The following PTPRB variants were observed in gnomAD, a reference collection of about 807,000 sequenced individuals.
PTPRB encodes receptor-type tyrosine-protein phosphatase beta.
In PTPRB, 97 loss-of-function variants were observed where a neutral mutation model predicts 238.1. The ratio of observed to expected loss-of-function variants is 0.41; its 90% CI spans 0.35 to 0.48. PTPRB has a LOEUF of 0.48. Ranked by LOEUF, PTPRB falls within the 20% of genes least tolerant of loss-of-function variation. PTPRB has a pLI of 0.30. For missense variants in PTPRB, 2,292 were observed against 2,681.9 expected (o/e 0.85, Z 3.21); for synonymous variants, 970 against 995.4 (o/e 0.97, Z 0.48).
intron 4 of PTPRB, among the ~76,000 whole-genome samples, chr12:70,603,458 C>G (rs1039077580): frequency 3.3e-5 from 5 of 152,060 alleles, no homozygotes; most frequent in Admixed American, 6.6e-5. Flanking sequence ...TAAAATAACA[C>G]GTGGTAATTT....
At chr12:70,538,374 A>G (rs930362867) in intron 27 of PTPRB, 143 bp from the exon 28 acceptor site, 1 of 645,066 alleles carries the variant, frequency 1.6e-6, no homozygotes, top group Admixed American at 3.2e-5. Flanking sequence ...AGGCTCAGGC[A>G]GGATAACTAA....
rs188692985 is a variant in PTPRB, at chr12:70,598,596, T to A, written c.980-2269A>T. ...TGAAAAGTAACAAGATATAGAGGAG[T>A]CTATGAGATTCTAATAGCCAGTGAA... is the stretch of plus-strand genomic sequence containing the variant. On this transcript the variant is annotated intron_variant, in intron 4 of 33. Transcript: ENST00000334414. 5.2e-3 allele frequency among the ~76,000 whole-genome samples: 789 copies of A among 151,976 alleles called. 10 individuals carry two copies. The highest frequency in any genetic ancestry group is 0.018 in the African/African-American group (753 of 41,462).
chr12:70,619,340 G>T (rs1437597212), intron 3 of PTPRB, among the ~76,000 whole-genome samples: 1 of 115,962 alleles, frequency 8.6e-6, no homozygotes, highest in Non-Finnish European at 1.8e-5. Flanking sequence ...TGATAATGAT[G>T]ATACTATGGT....
intron 22 of PTPRB, chr12:70,542,050 T>A (rs1199882493): frequency 6.6e-6 from 1 of 152,196 alleles, no homozygotes; most frequent in Non-Finnish European, 1.5e-5. Context: ...AGTGACACCA[T>A]TTTACATTCT....
At chr12:70,563,228 TA>T in intron 15 of PTPRB, 121 bp from the exon 16 acceptor site, 1 of 1,047,320 alleles carries the variant, frequency 9.5e-7, no homozygotes, top group Non-Finnish European at 1.4e-6. Flanking sequence ...CGGGAAACAG[TA>T]ACAATAGGAA....
intron 15 of PTPRB, among the ~76,000 whole-genome samples, chr12:70,563,531 G>T (rs1294989768): frequency 3.9e-5 from 6 of 152,128 alleles, no homozygotes; most frequent in Non-Finnish European, 8.8e-5. Flanking sequence ...ATTTCCCATG[G>T]ATCCATCCTT....
Position 70,518,918 on chromosome 12 carries a change from T to G in PTPRB, c.*2571A>C, listed in dbSNP as rs1871394613. 6.7e-6 allele frequency: 1 copy of G among 149,264 alleles called. No homozygotes were observed. Among genetic ancestry groups the G allele is most frequent in the African/African-American group, 2.5e-5 (1 of 40,430 alleles). The allele number at this position is 149,264 out of a possible 1,614,324, so 9.2% of individuals were successfully genotyped here. A position where few individuals can be genotyped will look rare whatever the true frequency, so the allele number is the denominator to read the frequency against. On this transcript the variant is annotated 3_prime_UTR_variant, in exon 34 of 34. Coordinates refer to ENST00000334414, the MANE Select transcript of PTPRB (RefSeq NM_001109754.4). ...ATGCCCACCAAGACAGGAAATGGAG[T>G]GTTTACCAAGACATAACACATGATG...
At chr12:70,579,494 C>T (rs752756023) in intron 10 of PTPRB, among the ~76,000 whole-genome samples, 2 of 151,962 alleles carry the variant, frequency 1.3e-5, no homozygotes, top group African/African-American at 2.4e-5. Flanking sequence ...GTCAGGAGAT[C>T]GAGACCATCC....
At position 70,635,907 on chromosome 12, in the gene PTPRB, G is replaced by T; in HGVS notation, c.215C>A (p.Ser72Tyr). 1 of 1,613,822 alleles carries T rather than the reference G, an allele frequency of 6.2e-7. No homozygotes were observed. The highest frequency in any genetic ancestry group is 1.6e-4 in the Middle Eastern group (1 of 6,062). Residue 72 changes from serine to tyrosine, a missense_variant, in exon 2 of 34, where the codon TCC becomes TAC. Coordinates refer to ENST00000334414, the MANE Select transcript of PTPRB (RefSeq NM_001109754.4). Reference sequence around the variant, plus strand: ...GCGGGAGGGGCCGCGGGAAGAGTTGGAGATGGCCAAGCACAGTGCAGATTT... The same window carrying T: ...GCGGGAGGGGCCGCGGGAAGAGTTGTAGATGGCCAAGCACAGTGCAGATTT... ...HVKSALCLAI[S>Y]NSSRGPSRSA...
At chr12:70,612,603 T>C (rs961302591) in intron 3 of PTPRB, among the ~76,000 whole-genome samples, 4 of 152,040 alleles carry the variant, frequency 2.6e-5, no homozygotes, top group Admixed American at 1.3e-4. Flanking sequence ...AGGAAACCTT[T>C]CCCAGACTAC....
chr12:70,542,678 G>A (rs1208179709), intron 22 of PTPRB: 3 of 151,050 alleles, frequency 2.0e-5, no homozygotes, highest in Admixed American at 1.3e-4. Context: ...ACAAGGTCAG[G>A]AGATCGAGAA....
chr12:70,614,327 T>C (rs1884587814), intron 3 of PTPRB, among the ~76,000 whole-genome samples: 1 of 152,214 alleles, frequency 6.6e-6, no homozygotes, highest in Non-Finnish European at 1.5e-5. Flanking sequence ...TAATGAGATC[T>C]TGGCTTTAAT....
rs549291106 is a variant in PTPRB at position 70,599,088 on chromosome 12, A to G, written c.980-2761T>C. On this transcript the variant is annotated intron_variant, in intron 4 of 33. Coordinates refer to ENST00000334414, the MANE Select transcript of PTPRB (RefSeq NM_001109754.4). The stretch of plus-strand genomic sequence containing the variant: ...ATTGCTATGCATGCTGCAGAAACTA[A>G]ATAGTTTTCAGACTCCCTTTAAATC... Among the ~76,000 whole-genome samples, 18 of 152,332 alleles carry G rather than the reference A, an allele frequency of 1.2e-4. 2 individuals are homozygous for G. The South Asian group carries it at 3.5e-3, about 30-fold the overall frequency.
At chr12:70,564,691 G>A in intron 15 of PTPRB, among the ~76,000 whole-genome samples, 1 of 151,662 alleles carries the variant, frequency 6.6e-6, no homozygotes. Context: ...AAATTAGCTG[G>A]GTGTGGTGGC....
chr12:70,590,940 G>GT (rs35496972), intron 7 of PTPRB, among the ~76,000 whole-genome samples: 23,308 of 102,564 alleles, frequency 0.23, 3,718 homozygotes, highest in East Asian at 0.42. Context: ...TTTCCTCCAA[G>GT]TTTTTTTTTT....
intron 3 of PTPRB, among the ~76,000 whole-genome samples, chr12:70,611,935 A>C (rs977575492): frequency 6.6e-6 from 1 of 152,172 alleles, no homozygotes; most frequent in Non-Finnish European, 1.5e-5. Flanking sequence ...CAGATACTGC[A>C]AGCCTTCTTA....
rs532074926 is a variant in PTPRB at position 70,534,709 on chromosome 12, G to C, written c.6205-58C>G. 1,857 of 1,601,504 alleles carry C rather than the reference G, an allele frequency of 1.2e-3. 7 individuals are homozygous for C. The highest frequency in any genetic ancestry group is 7.5e-3 in the Middle Eastern group (45 of 6,018). On this transcript the variant is annotated intron_variant, in intron 30 of 33. Coordinates refer to ENST00000334414, the MANE Select transcript of PTPRB (RefSeq NM_001109754.4). ...CTGTCCAATGCAAACCTTCAAACTT[G>C]ACAGCTGAGCCATGGAGCAACTCCT... is the stretch of plus-strand genomic sequence containing the variant.
Position 70,536,031 on chromosome 12 carries a change from C to T in PTPRB, c.6075G>A (p.Lys2025=). The change falls in exon 29 of 34, where the codon AAG becomes AAA. Residue 2025 remains lysine (K), a synonymous_variant. Coordinates refer to ENST00000334414, the MANE Select transcript of PTPRB (RefSeq NM_001109754.4). ...AGGAAGGCTGTTTACTCACTCGGCC[C>T]TTCTCAACACACTGGGTCACCATGA... ...NIVMVTQCVE[K]GRVKCDHYWP... 6.2e-7 allele frequency: 1 copy of T among 1,613,298 alleles called. No individual in the cohort carries two copies. The highest frequency in any genetic ancestry group is 8.5e-7 in the Non-Finnish European group (1 of 1,179,662).
intron 3 of PTPRB, chr12:70,609,980 T>A: frequency 4.5e-6 from 2 of 444,860 alleles, no homozygotes; most frequent in Non-Finnish European, 7.2e-6. Context: ...CCACCGCTGC[T>A]GCTGCTGCTC....
Sources: gnomAD v4.1 joint callset for allele counts (sites outside exome capture counted in the v4.1 genomes callset) on GRCh38, gnomAD v4.1.1 for gene constraint, MANE v1.5 for transcripts, NCBI Gene and HGNC (gene_info 2026-07-23, HGNC 2026-07-21) for gene names.